RBFOX1: variants seen among roughly 807,000 people sequenced by gnomAD.
The protein encoded by RBFOX1 is RNA binding protein fox-1 homolog 1.
A neutral mutation model predicts 57.7 loss-of-function variants in RBFOX1; 8 were observed. The ratio of observed to expected loss-of-function variants is 0.14; its 90% CI spans 0.08 to 0.25. The LOEUF is 0.25. RBFOX1 is among the 10% of genes least tolerant of loss of function. RBFOX1 has a pLI of 1.00. For missense variants in RBFOX1, 611 were observed against 548.5 expected, an observed-to-expected ratio of 1.11 and a Z score of -1.14; for synonymous variants, 326 against 222.4, an observed-to-expected ratio of 1.47 and a Z score of -4.15.
intron 2 of RBFOX1, among the ~76,000 whole-genome samples, chr16:6,448,627 C>T (rs1280923513): frequency 6.6e-6 from 1 of 152,136 alleles, no homozygotes; most frequent in African/African-American, 2.4e-5. Context: ...TCTTTTTCCC[C>T]CTAAATGTCA....
At chr16:6,747,370 G>A (rs2154188021) in intron 3 of RBFOX1, among the ~76,000 whole-genome samples, 2 of 152,008 alleles carry the variant, frequency 1.3e-5, no homozygotes, top group Middle Eastern at 3.4e-3. Flanking sequence ...TGGCCCCATT[G>A]CCCTCCAGAC....
rs1421575576 is a variant in RBFOX1, at chr16:7,343,222, G to T, written c.28-174925G>T. 2.0e-5 allele frequency among the ~76,000 whole-genome samples: 3 copies of T among 152,260 alleles called. No homozygotes were observed. In the East Asian group the frequency reaches 5.8e-4, roughly 29 times the overall value. On this transcript the variant is annotated intron_variant, in intron 4 of 15. Transcript: ENST00000550418. The stretch of plus-strand genomic sequence containing the variant: ...CCGGTGGCAAGGAGGATGTGTGAGT[G>T]CCAGCCGTCACTGGGCAGCTTATGG...
intron 4 of RBFOX1, among the ~76,000 whole-genome samples, chr16:6,000,352 C>G (rs185699397): frequency 2.8e-4 from 43 of 152,212 alleles, no homozygotes; most frequent in African/African-American, 9.9e-4. Context: ...TCAGCCCTGA[C>G]CAGGGAGAGG....
intron 1 of RBFOX1, among the ~76,000 whole-genome samples, chr16:6,183,759 GGGT>G (rs1164580010): frequency 6.6e-6 from 1 of 152,046 alleles, no homozygotes; most frequent in African/African-American, 2.4e-5. Flanking sequence ...CTGGAGCCTG[GGGT>G]AGGGGAGAAA....
intron 2 of RBFOX1, among the ~76,000 whole-genome samples, chr16:5,475,649 C>T (rs970242382): frequency 5.3e-5 from 8 of 152,162 alleles, no homozygotes; most frequent in Non-Finnish European, 1.2e-4. Context: ...AATTTCTCAC[C>T]TAATCTTTGT....
chr16:6,839,922 T>G (rs562370840), intron 3 of RBFOX1, among the ~76,000 whole-genome samples: 4 of 152,234 alleles, frequency 2.6e-5, no homozygotes, highest in African/African-American at 9.6e-5. Context: ...TGCATTATTA[T>G]GTATATTTGC....
chr16:7,694,346 C>G (rs1568501675), intron 14 of RBFOX1, among the ~76,000 whole-genome samples: 1 of 152,128 alleles, frequency 6.6e-6, no homozygotes, highest in African/African-American at 2.4e-5. Context: ...GGCTTATGTG[C>G]CAATGTTTCA....
chr16:5,800,611 A>C (rs956241961), intron 3 of RBFOX1, among the ~76,000 whole-genome samples: 4 of 152,270 alleles, frequency 2.6e-5, no homozygotes, highest in African/African-American at 9.6e-5. Context: ...GATGTGACCC[A>C]GTGACTCAGG....
intron 4 of RBFOX1, among the ~76,000 whole-genome samples, chr16:5,883,745 A>T (rs902763045): frequency 6.6e-6 from 1 of 152,156 alleles, no homozygotes; most frequent in East Asian, 1.9e-4. Context: ...TTTAAAAAAA[A>T]TCACTCTGAT....
chr16:7,677,283 C>G (rs1252894965), intron 14 of RBFOX1, among the ~76,000 whole-genome samples: 2 of 152,066 alleles, frequency 1.3e-5, no homozygotes, highest in Non-Finnish European at 2.9e-5. Context: ...TTTACAAGGT[C>G]TTATACCCAA....
intron 1 of RBFOX1, among the ~76,000 whole-genome samples, chr16:6,095,712 A>C (rs1322920151): frequency 6.6e-6 from 1 of 152,104 alleles, no homozygotes; most frequent in Non-Finnish European, 1.5e-5. Context: ...AGAAAAAGAA[A>C]AAAAAAAAAA....
At chr16:6,880,562 G>T (rs543486684) in intron 3 of RBFOX1, among the ~76,000 whole-genome samples, 1 of 152,236 alleles carries the variant, frequency 6.6e-6, no homozygotes, top group East Asian at 1.9e-4. Context: ...ACGTGAACTC[G>T]GAGAAGGCCA....
chr16:6,696,437 C>A (rs1472217648), intron 3 of RBFOX1, among the ~76,000 whole-genome samples: 2 of 152,124 alleles, frequency 1.3e-5, no homozygotes, highest in African/African-American at 2.4e-5. Context: ...TTTTCATCCC[C>A]TCTGAAATAA....
At chr16:7,035,737 T>C (rs1419738396) in intron 3 of RBFOX1, among the ~76,000 whole-genome samples, 2 of 152,210 alleles carry the variant, frequency 1.3e-5, no homozygotes, top group African/African-American at 4.8e-5. Context: ...TTAACATGAA[T>C]GCCTGCTCAT....
intron 3 of RBFOX1, among the ~76,000 whole-genome samples, chr16:6,925,574 G>C (rs970217823): frequency 1.3e-5 from 2 of 151,914 alleles, no homozygotes; most frequent in African/African-American, 4.8e-5. Context: ...CTAGCATTAA[G>C]ACTAGTTGGT....
chr16:5,399,073 G>C (rs2066642364), intron 1 of RBFOX1, among the ~76,000 whole-genome samples: 1 of 152,166 alleles, frequency 6.6e-6, no homozygotes, highest in Non-Finnish European at 1.5e-5. Context: ...CTTGGTGATT[G>C]GTGAGAACAC....
intron 4 of RBFOX1, among the ~76,000 whole-genome samples, chr16:7,298,882 C>T (rs766618522): frequency 6.6e-6 from 1 of 152,090 alleles, no homozygotes; most frequent in Admixed American, 6.5e-5. Context: ...GTTGGTCTTG[C>T]TATCTCTGGG....
At position 5,289,695 on chromosome 16, in the gene RBFOX1, A is replaced by T. The variant is rs935874733; in HGVS notation, c.219+49590A>T. Among the ~76,000 whole-genome samples, 50 of 152,342 alleles carry T rather than the reference A, an allele frequency of 3.3e-4. 1 individual carries two copies. The highest frequency in any genetic ancestry group is 1.2e-3 in the African/African-American group (48 of 41,582). ...TAGGGGAGTTATGAGCCTTAAGTTG[A>T]GGGTGACCCAGGTCAACGTGAATTG... On this transcript the variant is annotated intron_variant, in intron 1 of 2. Coordinates refer to the RBFOX1 transcript ENST00000585867.
At chr16:6,826,477 T>C (rs1259004837) in intron 3 of RBFOX1, among the ~76,000 whole-genome samples, 1 of 151,972 alleles carries the variant, frequency 6.6e-6, no homozygotes, top group Non-Finnish European at 1.5e-5. Context: ...GATGAGAAAA[T>C]AACCTAGAAC....
Sources: gnomAD v4.1 joint callset for allele counts (sites outside exome capture counted in the v4.1 genomes callset) on GRCh38, gnomAD v4.1.1 for gene constraint, MANE v1.5 for transcripts, NCBI Gene and HGNC (gene_info 2026-07-23, HGNC 2026-07-21) for gene names.